NCKAP5: variants seen among roughly 807,000 people sequenced by gnomAD.
The protein encoded by NCKAP5 is NCK associated protein 5.
In NCKAP5, 92 loss-of-function variants were observed where a neutral mutation model predicts 167.0. The observed-to-expected ratio is 0.55, with a 90% CI of 0.47 to 0.66. The LOEUF (loss-of-function observed/expected upper bound fraction) is 0.66, where lower values mean the gene tolerates loss of function less well. Among genes scored for constraint, NCKAP5 ranks in the 30% least tolerant of loss-of-function variants. The pLI is 0.00. For synonymous variants in NCKAP5, 891 were observed against 877.4 expected, an observed-to-expected ratio of 1.02 and a Z score of -0.27; for missense variants, 2,378 against 2,315.0, an observed-to-expected ratio of 1.03 and a Z score of -0.56.
intron 6 of NCKAP5, among the ~76,000 whole-genome samples, chr2:133,015,930 C>T (rs2078319088): frequency 6.6e-6 from 1 of 151,954 alleles, no homozygotes. Flanking sequence ...GAAGTCCTCG[C>T]CAATGGAAGG....
intron 8 of NCKAP5, among the ~76,000 whole-genome samples, chr2:132,955,921 T>G (rs982761186): frequency 1.3e-4 from 20 of 152,204 alleles, no homozygotes; most frequent in African/African-American, 4.6e-4. Flanking sequence ...ATGGTGAGCT[T>G]TTTTTCAAAT....
chr2:132,892,817 T>C (rs962729959), intron 8 of NCKAP5, among the ~76,000 whole-genome samples: 4 of 152,074 alleles, frequency 2.6e-5, no homozygotes, highest in Non-Finnish European at 1.5e-5. Context: ...TCCTTATTCC[T>C]TACTAAGGAC....
At chr2:133,374,004 C>T (rs2150921856) in intron 3 of NCKAP5, among the ~76,000 whole-genome samples, 2 of 152,318 alleles carry the variant, frequency 1.3e-5, no homozygotes, top group Admixed American at 1.3e-4. Flanking sequence ...AATCACATGC[C>T]TGGGTATTTA....
At chr2:133,303,902 A>T (rs1296281074) in intron 3 of NCKAP5, among the ~76,000 whole-genome samples, 4 of 152,158 alleles carry the variant, frequency 2.6e-5, no homozygotes, top group Non-Finnish European at 1.5e-5. Context: ...GCTAACCTGG[A>T]GCAAATACAA....
intron 10 of NCKAP5, 21 bp from the exon 11 acceptor site, chr2:132,860,632 G>A: frequency 1.1e-5 from 17 of 1,555,288 alleles, no homozygotes; most frequent in Non-Finnish European, 1.4e-5. Flanking sequence ...CACATCGAAG[G>A]AGGAAAAAGT....
intron 19 of NCKAP5, among the ~76,000 whole-genome samples, chr2:132,699,467 T>C (rs1015467606): frequency 5.9e-5 from 9 of 152,074 alleles, no homozygotes; most frequent in African/African-American, 2.2e-4. Flanking sequence ...CTCCTAATGC[T>C]ATCCCTCCCC....
chr2:133,534,806 A>G (rs1299255177), intron 2 of NCKAP5, among the ~76,000 whole-genome samples: 2 of 152,176 alleles, frequency 1.3e-5, no homozygotes, highest in African/African-American at 2.4e-5. Context: ...ACAACTTTTT[A>G]TATGGACATA....
At chr2:133,525,531 A>C (rs1684799361) in intron 2 of NCKAP5, among the ~76,000 whole-genome samples, 1 of 152,218 alleles carries the variant, frequency 6.6e-6, no homozygotes, top group African/African-American at 2.4e-5. Context: ...AATTGCTATG[A>C]ATCTGAACTA....
At chr2:133,102,252 T>C (rs1306711141) in intron 6 of NCKAP5, among the ~76,000 whole-genome samples, 2 of 152,174 alleles carry the variant, frequency 1.3e-5, no homozygotes, top group Non-Finnish European at 1.5e-5. Context: ...GTTCAAGTGA[T>C]TCTCCTGCCT....
At chr2:133,075,185 T>C (rs1327488905) in intron 6 of NCKAP5, among the ~76,000 whole-genome samples, 1 of 152,222 alleles carries the variant, frequency 6.6e-6, no homozygotes, top group African/African-American at 2.4e-5. Flanking sequence ...TTAGAAAGCA[T>C]GGAGGTCAGA....
At chr2:133,298,784 C>T (rs943078272) in intron 4 of NCKAP5, among the ~76,000 whole-genome samples, 22 of 152,188 alleles carry the variant, frequency 1.4e-4, no homozygotes, top group African/African-American at 3.9e-4. Flanking sequence ...TAAAAATATA[C>T]TTTCCAAGAG....
In NCKAP5 at chr2:132,865,587, C is replaced by T. The variant is rs1047068733; in HGVS notation, c.687+3349G>A. On this transcript the variant is annotated intron_variant, in intron 10 of 19. Coordinates refer to ENST00000409261, the MANE Select transcript of NCKAP5 (RefSeq NM_207363.3). ...AAGTTTTAGGAAGTCCTGTGGCTACCCTGCCTTTTATTTTATTCCCTGTGA... is the reference window on the plus strand; with the variant it reads ...AAGTTTTAGGAAGTCCTGTGGCTACTCTGCCTTTTATTTTATTCCCTGTGA... 5.9e-5 allele frequency among the ~76,000 whole-genome samples: 9 copies of T among 152,276 alleles called. No individual in the cohort carries two copies. In the East Asian group the frequency reaches 9.6e-4, roughly 16 times the overall value.
At chr2:133,040,306 A>G (rs1238010553) in intron 6 of NCKAP5, among the ~76,000 whole-genome samples, 1 of 152,156 alleles carries the variant, frequency 6.6e-6, no homozygotes, top group Non-Finnish European at 1.5e-5. Flanking sequence ...GGTTTTTGCT[A>G]TTAAAAGTAA....
chr2:133,240,294 T>C (rs554311777), intron 4 of NCKAP5, among the ~76,000 whole-genome samples: 1 of 152,316 alleles, frequency 6.6e-6, no homozygotes, highest in Non-Finnish European at 1.5e-5. Flanking sequence ...CAATTGGAGA[T>C]AAAAATATAT....
At chr2:133,065,441 A>G in intron 6 of NCKAP5, among the ~76,000 whole-genome samples, 1 of 152,098 alleles carries the variant, frequency 6.6e-6, no homozygotes, top group East Asian at 1.9e-4. Context: ...CCTGGCCAAC[A>G]TGGTGAAACC....
chr2:133,315,681 G>C (rs953105070), intron 3 of NCKAP5, among the ~76,000 whole-genome samples: 2 of 152,078 alleles, frequency 1.3e-5, no homozygotes, highest in Non-Finnish European at 1.5e-5. Context: ...AGGAACAGGA[G>C]AAGGTGTTCT....
intron 11 of NCKAP5, among the ~76,000 whole-genome samples, chr2:132,830,477 C>T (rs186693404): frequency 6.8e-4 from 103 of 151,958 alleles, no homozygotes; most frequent in Non-Finnish European, 1.1e-3. Context: ...ATCTCACTCC[C>T]GAAGAACAAA....
intron 2 of NCKAP5, among the ~76,000 whole-genome samples, chr2:133,540,843 T>C (rs1281524863): frequency 1.4e-5 from 2 of 145,526 alleles, no homozygotes; most frequent in East Asian, 4.1e-4. Context: ...GGCTGAGGCA[T>C]GAAAATCTCT....
intron 5 of NCKAP5, among the ~76,000 whole-genome samples, chr2:133,168,473 A>G (rs2084098315): frequency 6.6e-6 from 1 of 152,084 alleles, no homozygotes; most frequent in South Asian, 2.1e-4. Flanking sequence ...CAAACAGGTT[A>G]TTTGGTAAAT....
Sources: gnomAD v4.1 joint callset for allele counts (sites outside exome capture counted in the v4.1 genomes callset) on GRCh38, gnomAD v4.1.1 for gene constraint, MANE v1.5 for transcripts, NCBI Gene and HGNC (gene_info 2026-07-23, HGNC 2026-07-21) for gene names.